The following IFT43 variants were observed in gnomAD, a reference collection of about 807,000 sequenced individuals.
IFT43 encodes intraflagellar transport 43.
IFT43 carries 33 observed loss-of-function variants against 32.3 expected under a neutral mutation model. The observed-to-expected ratio is 1.02, with a 90% CI of 0.77 to 1.37. The LOEUF (loss-of-function observed/expected upper bound fraction) is 1.37. Among genes scored for constraint, IFT43 ranks in the 40% most tolerant of loss-of-function variants. IFT43 has a pLI of 0.00. For synonymous variants in IFT43, 93 were observed against 98.2 expected, an observed-to-expected ratio of 0.95 and a Z score of 0.31; for missense variants, 274 against 265.9, an observed-to-expected ratio of 1.03 and a Z score of -0.21.
At chr14:76,002,108 G>A (rs767203365) in intron 2 of IFT43, among the ~76,000 whole-genome samples, 3 of 152,204 alleles carry the variant, frequency 2.0e-5, no homozygotes, top group Non-Finnish European at 4.4e-5. Context: ...TTAGCTGGGC[G>A]TGGTGGCGCA....
chr14:75,993,229 G>T (rs57066805), intron 2 of IFT43, among the ~76,000 whole-genome samples: 2,999 of 152,270 alleles, frequency 0.02, 93 homozygotes, highest in African/African-American at 0.064. Context: ...CATGTTTTAT[G>T]TGATCCATAC....
Position 76,058,714 on chromosome 14 carries a change from T to C in IFT43, c.248+40T>C, listed in dbSNP as rs770129965. 4 of 1,611,032 alleles carry C rather than the reference T, an allele frequency of 2.5e-6. No individual in the cohort carries two copies. The South Asian group carries it at 4.4e-5, about 18-fold the overall frequency. ...TTCTTATTCTTATGGTATCCTATGT[T>C]GATCTTGGTCAACAGTGCAGTCTTG... On this transcript the variant is annotated intron_variant, in intron 4 of 8. Transcript: ENST00000314067.
chr14:75,985,809 A>T lies in IFT43; in HGVS notation c.23A>T (p.Asp8Val). 1 of 1,614,134 alleles carries T rather than the reference A, an allele frequency of 6.2e-7. No individual in the cohort carries two copies. The highest frequency in any genetic ancestry group is 8.5e-7 in the Non-Finnish European group (1 of 1,180,026). The part of the protein sequence containing the change: MEDLLDL[D>V]EELRYSLATS... ...GAGATGGAGGATTTGCTCGACTTGG[A>T]CGAGGAGCTTCGCTACAGCTTGGCT... is the stretch of plus-strand genomic sequence containing the variant. The change falls in exon 1 of 9, where the codon GAC becomes GTC. Residue 8 changes from aspartate to valine, a missense_variant. Physicochemically the swap from Asp to Val is radical, Grantham distance 152. Coordinates refer to ENST00000314067, the MANE Select transcript of IFT43 (RefSeq NM_001102564.3).
chr14:76,077,096 G>C (rs1328224939), intron 5 of IFT43, among the ~76,000 whole-genome samples: 2 of 152,092 alleles, frequency 1.3e-5, no homozygotes, highest in Non-Finnish European at 2.9e-5. Context: ...GTGGAGATTG[G>C]TGAAAAGCAG....
intron 5 of IFT43, among the ~76,000 whole-genome samples, chr14:76,079,789 T>C (rs907533713): frequency 6.6e-5 from 10 of 152,224 alleles, no homozygotes; most frequent in African/African-American, 2.4e-4. Flanking sequence ...TGAATCAGGC[T>C]ACATCACCAG....
intron 2 of IFT43, among the ~76,000 whole-genome samples, chr14:76,002,861 G>A (rs1366056981): frequency 6.6e-6 from 1 of 152,250 alleles, no homozygotes; most frequent in Non-Finnish European, 1.5e-5. Flanking sequence ...ACTTGAAAGA[G>A]CTGCGAGAGC....
intron 2 of IFT43, among the ~76,000 whole-genome samples, chr14:75,999,250 TATATATATATATA>T (rs2035816217): frequency 2.5e-4 from 2 of 7,982 alleles, no homozygotes; most frequent in African/African-American, 8.5e-4. Context: ...TATATATATA[TATATATATATATA>T]TATATATATG....
chr14:76,042,108 A>G (rs1346741179), intron 3 of IFT43, among the ~76,000 whole-genome samples: 7 of 64,336 alleles, frequency 1.1e-4, no homozygotes, highest in African/African-American at 2.7e-4. Flanking sequence ...ATGGACGAGG[A>G]CACACACACA....
chr14:76,018,119 T>G (rs1434434469), intron 2 of IFT43, among the ~76,000 whole-genome samples: 1 of 152,028 alleles, frequency 6.6e-6, no homozygotes, highest in Non-Finnish European at 1.5e-5. Context: ...GCATTTCTAG[T>G]TCCCTGAGGT....
chr14:76,012,537 T>G (rs1757298349), intron 2 of IFT43, among the ~76,000 whole-genome samples: 1 of 152,260 alleles, frequency 6.6e-6, no homozygotes, highest in Non-Finnish European at 1.5e-5. Context: ...CAGTCATTCC[T>G]GCCCCCTGTT....
chr14:76,030,711 C>T (rs899136926), intron 3 of IFT43, among the ~76,000 whole-genome samples: 6 of 152,012 alleles, frequency 3.9e-5, no homozygotes, highest in African/African-American at 9.7e-5. Flanking sequence ...ATACTGTTTT[C>T]GGAAGTTATT....
chr14:76,008,875 T>G (rs895533491), intron 2 of IFT43, among the ~76,000 whole-genome samples: 5 of 152,258 alleles, frequency 3.3e-5, no homozygotes, highest in Non-Finnish European at 5.9e-5. Context: ...GACTTTGCCC[T>G]TAACGCTTCC....
chr14:76,082,656 C>T lies in IFT43; in HGVS notation c.408C>T (p.Asp136=), dbSNP rs1271481557. The T allele has an allele frequency of 2.5e-6, 4 of 1,613,800 alleles. No individual in the cohort carries two copies. Among genetic ancestry groups the T allele is most frequent in the Non-Finnish European group, 3.4e-6 (4 of 1,179,798 alleles). ...GGGTGATGACCTACCGTGACCTGGA[C>T]AATGACCTCATGAAGTACTCAGCCA... is the stretch of plus-strand genomic sequence containing the variant. ...IKRVMTYRDL[D]NDLMKYSAIQ... The change falls in exon 7 of 9, where the codon GAC becomes GAT. Residue 136 remains aspartate, a synonymous_variant. Transcript: ENST00000314067.
intron 3 of IFT43, among the ~76,000 whole-genome samples, chr14:76,029,311 TA>T (rs1325095943): frequency 1.4e-4 from 21 of 152,346 alleles, no homozygotes; most frequent in Non-Finnish European, 2.8e-4. Flanking sequence ...TTAATGGGGT[TA>T]TTTTTTTCTT....
At chr14:75,986,968 A>C (rs1275615020) in intron 1 of IFT43, among the ~76,000 whole-genome samples, 1 of 152,200 alleles carries the variant, frequency 6.6e-6, no homozygotes, top group African/African-American at 2.4e-5. Context: ...TGAATAAAGC[A>C]AAGTTCCTGC....
chr14:76,080,337 A>T (rs1420480507), intron 5 of IFT43, among the ~76,000 whole-genome samples: 2 of 152,062 alleles, frequency 1.3e-5, no homozygotes, highest in Non-Finnish European at 2.9e-5. Flanking sequence ...TCTGTCACAG[A>T]TGGGCCAGCC....
At chr14:76,014,294 G>C (rs2036141437) in intron 2 of IFT43, among the ~76,000 whole-genome samples, 1 of 152,054 alleles carries the variant, frequency 6.6e-6, no homozygotes, top group Admixed American at 6.5e-5. Flanking sequence ...AAGTAGTCTA[G>C]GTAGCCTATA....
At chr14:75,991,897 C>T (rs917901797) in intron 2 of IFT43, among the ~76,000 whole-genome samples, 2 of 152,168 alleles carry the variant, frequency 1.3e-5, no homozygotes, top group African/African-American at 2.4e-5. Flanking sequence ...GCCAGATGCT[C>T]ACTGTGCTGT....
chr14:76,066,877 T>C (rs1206458632), intron 5 of IFT43, among the ~76,000 whole-genome samples: 1 of 152,184 alleles, frequency 6.6e-6, no homozygotes, highest in African/African-American at 2.4e-5. Flanking sequence ...CCCTTCCCAG[T>C]AGACAGTCTC....
Sources: gnomAD v4.1 joint callset for allele counts (sites outside exome capture counted in the v4.1 genomes callset) on GRCh38, gnomAD v4.1.1 for gene constraint, MANE v1.5 for transcripts, NCBI Gene and HGNC (gene_info 2026-07-23, HGNC 2026-07-21) for gene names.